Variants in TCERG1L observed in about 807,000 individuals in gnomAD.
TCERG1L encodes the protein transcription elongation regulator 1 like.
In TCERG1L, 37 loss-of-function variants were observed where a neutral mutation model predicts 56.3. The observed-to-expected ratio is 0.66, with a 90% CI of 0.51 to 0.87. TCERG1L has a LOEUF of 0.87. TCERG1L is among the 40% of genes least tolerant of loss of function. The pLI is 0.00. For synonymous variants in TCERG1L, 324 were observed against 326.3 expected (o/e 0.99, Z 0.08); for missense variants, 799 against 774.2 (o/e 1.03, Z -0.38).
intron 3 of TCERG1L, among the ~76,000 whole-genome samples, chr10:131,270,203 A>G (rs1316979984): frequency 6.6e-6 from 1 of 152,218 alleles, no homozygotes; most frequent in Non-Finnish European, 1.5e-5. Context: ...AGGCAAACAG[A>G]AGAGTGCCTT....
chr10:131,219,664 C>T (rs954300230), intron 4 of TCERG1L, among the ~76,000 whole-genome samples: 4 of 152,204 alleles, frequency 2.6e-5, no homozygotes, highest in Non-Finnish European at 5.9e-5. Context: ...AGGGCCTTCC[C>T]TTCCGATGCT....
chr10:131,256,682 G>C (rs563150312), intron 4 of TCERG1L, among the ~76,000 whole-genome samples: 1 of 152,046 alleles, frequency 6.6e-6, no homozygotes, highest in African/African-American at 2.4e-5. Flanking sequence ...TCAGGAGTTC[G>C]AGACCAGCCT....
chr10:131,198,090 C>T (rs1845386401), intron 4 of TCERG1L, among the ~76,000 whole-genome samples: 1 of 152,222 alleles, frequency 6.6e-6, no homozygotes, highest in Admixed American at 6.5e-5. Flanking sequence ...AGGAGGTTCT[C>T]ACCTGTGGCG....
intron 4 of TCERG1L, among the ~76,000 whole-genome samples, chr10:131,210,518 A>T (rs1009530900): frequency 1.3e-5 from 2 of 152,216 alleles, no homozygotes; most frequent in Non-Finnish European, 2.9e-5. Context: ...AAAAGAAAGA[A>T]TTATCTGGGA....
At chr10:131,299,648 C>G (rs1846739081) in intron 3 of TCERG1L, among the ~76,000 whole-genome samples, 1 of 150,534 alleles carries the variant, frequency 6.6e-6, no homozygotes, top group Admixed American at 6.6e-5. Context: ...ATTCCTAGTT[C>G]ATTTATAGGC....
At chr10:131,135,645 T>C (rs1222652728) in intron 7 of TCERG1L, among the ~76,000 whole-genome samples, 1 of 152,188 alleles carries the variant, frequency 6.6e-6, no homozygotes, top group African/African-American at 2.4e-5. Context: ...ATCATCCTTG[T>C]GGGGCCTCCG....
chr10:131,209,905 C>T (rs1177872523), intron 4 of TCERG1L, among the ~76,000 whole-genome samples: 1 of 151,972 alleles, frequency 6.6e-6, no homozygotes, highest in Non-Finnish European at 1.5e-5. Context: ...TGATGTGACA[C>T]CCAAAATAGC....
At chr10:131,308,093 T>C in intron 3 of TCERG1L, 118 bp downstream of exon 3, 1 of 1,113,926 alleles carries the variant, frequency 9.0e-7, no homozygotes, top group Non-Finnish European at 1.3e-6. Context: ...GAAAAGGAAT[T>C]ATATTTTACC....
At chr10:131,273,764 G>A (rs1427536487) in intron 3 of TCERG1L, among the ~76,000 whole-genome samples, 2 of 152,158 alleles carry the variant, frequency 1.3e-5, no homozygotes, top group Non-Finnish European at 2.9e-5. Flanking sequence ...GAAGCCCCAG[G>A]GCCAGGCTCT....
At chr10:131,305,682 A>C (rs1361217612) in intron 3 of TCERG1L, among the ~76,000 whole-genome samples, 2 of 152,140 alleles carry the variant, frequency 1.3e-5, no homozygotes, top group Non-Finnish European at 2.9e-5. Flanking sequence ...AGACCTGTTT[A>C]CAATGAGTGA....
At chr10:131,300,582 G>A (rs543444323) in intron 3 of TCERG1L, among the ~76,000 whole-genome samples, 102 of 151,898 alleles carry the variant, frequency 6.7e-4, no homozygotes, top group East Asian at 1.9e-3. Flanking sequence ...TTTTTATATC[G>A]CTGATGAAAT....
At chr10:131,283,091 C>T (rs779834670) in intron 3 of TCERG1L, among the ~76,000 whole-genome samples, 1 of 152,196 alleles carries the variant, frequency 6.6e-6, no homozygotes, top group Non-Finnish European at 1.5e-5. Flanking sequence ...GAGCTAAGTG[C>T]ACGTAGGCTA....
At chr10:131,282,647 C>T (rs990791027) in intron 3 of TCERG1L, among the ~76,000 whole-genome samples, 7 of 151,928 alleles carry the variant, frequency 4.6e-5, no homozygotes, top group African/African-American at 1.5e-4. Context: ...TCTATCCCCC[C>T]AGCACATATA....
intron 3 of TCERG1L, among the ~76,000 whole-genome samples, chr10:131,263,802 TG>T (rs775866003): frequency 1.1e-4 from 17 of 152,238 alleles, no homozygotes; most frequent in Non-Finnish European, 1.8e-4. Context: ...TTATTAACAA[TG>T]GCTTCTCCCC....
intron 3 of TCERG1L, among the ~76,000 whole-genome samples, chr10:131,285,470 AAG>A (rs1491476350): frequency 2.6e-4 from 3 of 11,720 alleles, no homozygotes; most frequent in Non-Finnish European, 1.9e-4. Context: ...AAAGGGAAGA[AAG>A]AAAGAAAGAA....
intron 4 of TCERG1L, among the ~76,000 whole-genome samples, chr10:131,195,138 A>G (rs900460306): frequency 6.6e-6 from 1 of 152,214 alleles, no homozygotes; most frequent in Non-Finnish European, 1.5e-5. Flanking sequence ...AATGGGAAGC[A>G]GGTGAATATT....
intron 4 of TCERG1L, among the ~76,000 whole-genome samples, chr10:131,241,100 G>A (rs1009508365): frequency 6.6e-6 from 1 of 152,166 alleles, no homozygotes; most frequent in East Asian, 1.9e-4. Context: ...ATGGAGCAGA[G>A]AACTCAGGGC....
intron 4 of TCERG1L, among the ~76,000 whole-genome samples, chr10:131,229,469 C>T (rs1213544845): frequency 6.6e-6 from 1 of 152,216 alleles, no homozygotes; most frequent in African/African-American, 2.4e-5. Flanking sequence ...CGAAATGCCC[C>T]TGGAACACTC....
chr10:131,290,358 A>G lies in TCERG1L; in HGVS notation c.670+17853T>C, dbSNP rs545130898. Among the ~76,000 whole-genome samples the G allele has an allele frequency of 9.7e-4, 147 of 152,300 alleles. 1 individual carries two copies. Among genetic ancestry groups the G allele is most frequent in the Non-Finnish European group, 6.6e-4 (45 of 68,034 alleles). On this transcript the variant is annotated intron_variant, in intron 3 of 11. Transcript: ENST00000368642. ...TTAAAAACTTAACATTAGGCCGGGC[A>G]TGGTGGCTCCCGCCTGTAATCCCAG...
Sources: gnomAD v4.1 joint callset for allele counts (sites outside exome capture counted in the v4.1 genomes callset) on GRCh38, gnomAD v4.1.1 for gene constraint, MANE v1.5 for transcripts, NCBI Gene and HGNC (gene_info 2026-07-23, HGNC 2026-07-21) for gene names.